FARS2: variants seen among roughly 807,000 people sequenced by gnomAD.
FARS2 encodes the protein phenylalanine--tRNA ligase, mitochondrial.
FARS2 carries 40 observed loss-of-function variants against 46.4 expected under a neutral mutation model. The ratio of observed to expected loss-of-function variants is 0.86; its 90% CI spans 0.67 to 1.12. The LOEUF (loss-of-function observed/expected upper bound fraction) is 1.12, where lower values mean the gene tolerates loss of function less well. FARS2 is among the 50% of genes most tolerant of loss of function. The probability of loss-of-function intolerance (pLI) is 0.00; values close to 1 mark genes in which losing one functional copy is unlikely to be tolerated. For synonymous variants in FARS2, 234 were observed against 214.9 expected, an observed-to-expected ratio of 1.09 and a Z score of -0.78; for missense variants, 513 against 567.9, an observed-to-expected ratio of 0.90 and a Z score of 0.98.
chr6:5,298,315 C>T (rs79811216), intron 1 of FARS2, among the ~76,000 whole-genome samples: 3,456 of 152,214 alleles, frequency 0.023, 141 homozygotes, highest in African/African-American at 0.078. Context: ...CCTGCCTCAT[C>T]GGGGTTGCAT....
At chr6:5,507,398 AT>A in intron 4 of FARS2, among the ~76,000 whole-genome samples, 1 of 149,202 alleles carries the variant, frequency 6.7e-6, no homozygotes, top group Non-Finnish European at 1.5e-5. Context: ...AAAAAAAAAA[AT>A]CTGATGTTTA....
At chr6:5,485,315 T>C (rs186618919) in intron 4 of FARS2, among the ~76,000 whole-genome samples, 11 of 152,264 alleles carry the variant, frequency 7.2e-5, no homozygotes, top group African/African-American at 2.6e-4. Context: ...AGTTTGTAAA[T>C]GTTAAGTGTT....
chr6:5,532,789 G>T (rs9766673), intron 4 of FARS2, among the ~76,000 whole-genome samples: 14,147 of 145,526 alleles, frequency 0.097, 661 homozygotes, highest in Non-Finnish European at 0.1. Context: ...ATAATAAGAA[G>T]AAGAAGAAGA....
At chr6:5,484,357 C>T (rs1273935472) in intron 4 of FARS2, among the ~76,000 whole-genome samples, 2 of 152,096 alleles carry the variant, frequency 1.3e-5, no homozygotes, top group African/African-American at 4.8e-5. Flanking sequence ...TAATCAGAAT[C>T]GTGTGAATAT....
chr6:5,635,594 T>G (rs1340775151), intron 6 of FARS2, among the ~76,000 whole-genome samples: 1 of 152,126 alleles, frequency 6.6e-6, no homozygotes, highest in Non-Finnish European at 1.5e-5. Flanking sequence ...ACACATGTGC[T>G]GGTGGGGAAG....
At chr6:5,297,326 C>T (rs981652680) in intron 1 of FARS2, among the ~76,000 whole-genome samples, 2 of 152,160 alleles carry the variant, frequency 1.3e-5, no homozygotes, top group African/African-American at 2.4e-5. Flanking sequence ...GTAGAGTTCG[C>T]TCTTTTTAAA....
At chr6:5,571,438 C>T (rs887055075) in intron 5 of FARS2, among the ~76,000 whole-genome samples, 17 of 152,196 alleles carry the variant, frequency 1.1e-4, no homozygotes, top group Admixed American at 6.5e-5. Context: ...CACCAACGCA[C>T]GTGGAGAATC....
At chr6:5,265,426 A>G (rs796230844) in intron 1 of FARS2, among the ~76,000 whole-genome samples, 1 of 152,206 alleles carries the variant, frequency 6.6e-6, no homozygotes, top group East Asian at 1.9e-4. Context: ...TCTGGAATAA[A>G]TCATTTCTTC....
chr6:5,694,579 A>G lies in FARS2; in HGVS notation c.1218-76712A>G, dbSNP rs185688538. ...ATTTAGCCATGATAAATAGAATCAG[A>G]TAAGAGACCGAGTGTGAATATTCAG... is the stretch of plus-strand genomic sequence containing the variant. On this transcript the variant is annotated intron_variant, in intron 6 of 6. Transcript: ENST00000274680. 7.7e-4 allele frequency among the ~76,000 whole-genome samples: 117 copies of G among 152,294 alleles called. 1 individual carries two copies. Among genetic ancestry groups the G allele is most frequent in the African/African-American group, 2.5e-3 (103 of 41,574 alleles).
intron 6 of FARS2, among the ~76,000 whole-genome samples, chr6:5,673,540 A>G (rs574868935): frequency 2.8e-4 from 43 of 152,270 alleles, no homozygotes; most frequent in African/African-American, 8.4e-4. Context: ...AGGAAATTCT[A>G]TGTTCCCCGT....
At chr6:5,614,448 C>T (rs1406565717) in intron 6 of FARS2, among the ~76,000 whole-genome samples, 1 of 147,058 alleles carries the variant, frequency 6.8e-6, no homozygotes, top group African/African-American at 2.6e-5. Context: ...CTCGCTCTGT[C>T]GCCCAGGCTG....
intron 2 of FARS2, among the ~76,000 whole-genome samples, chr6:5,401,177 G>T (rs73718096): frequency 6.6e-6 from 1 of 151,730 alleles, no homozygotes; most frequent in African/African-American, 2.4e-5. Context: ...TGATATATTC[G>T]ATCTGAACTT....
intron 4 of FARS2, among the ~76,000 whole-genome samples, chr6:5,481,816 C>CG (rs398109792): frequency 6.6e-6 from 1 of 151,938 alleles, no homozygotes; most frequent in African/African-American, 2.4e-5. Context: ...AAAGACCCCC[C>CG]TTGCTTCCAG....
intron 5 of FARS2, among the ~76,000 whole-genome samples, chr6:5,598,559 A>G (rs1774333004): frequency 6.6e-6 from 1 of 152,214 alleles, no homozygotes; most frequent in Admixed American, 6.5e-5. Flanking sequence ...CAGCATAACC[A>G]CTTTCCCTGG....
At chr6:5,260,602 C>CCGGCCCCG, upstream of FARS2, 32 of 1,203,586 alleles carry the variant, frequency 2.7e-5, no homozygotes, top group Non-Finnish European at 3.6e-5. Context: ...CCCCGGTCCC[C>CCGGCCCCG]GGCCCCTGGC....
At chr6:5,523,920 C>T (rs1476617746) in intron 4 of FARS2, among the ~76,000 whole-genome samples, 1 of 152,148 alleles carries the variant, frequency 6.6e-6, no homozygotes, top group Non-Finnish European at 1.5e-5. Flanking sequence ...TGTTTCTTTT[C>T]CCTAGGAGTG....
chr6:5,375,291 A>T (rs527295001), intron 2 of FARS2, among the ~76,000 whole-genome samples: 3 of 152,206 alleles, frequency 2.0e-5, no homozygotes, highest in African/African-American at 7.2e-5. Context: ...ATTACCAAAT[A>T]TAATAACACA....
intron 5 of FARS2, among the ~76,000 whole-genome samples, chr6:5,587,901 A>C (rs1442361768): frequency 2.0e-5 from 3 of 152,166 alleles, no homozygotes; most frequent in Non-Finnish European, 4.4e-5. Flanking sequence ...AAATAAGGTA[A>C]TATATCTTTT....
At chr6:5,389,259 T>C (rs1448366722) in intron 2 of FARS2, among the ~76,000 whole-genome samples, 22 of 152,226 alleles carry the variant, frequency 1.4e-4, no homozygotes, top group Admixed American at 1.4e-3. Context: ...AGTTGACCAC[T>C]GTGTTAGGCG....
Sources: gnomAD v4.1 joint callset for allele counts (sites outside exome capture counted in the v4.1 genomes callset) on GRCh38, gnomAD v4.1.1 for gene constraint, MANE v1.5 for transcripts, NCBI Gene and HGNC (gene_info 2026-07-23, HGNC 2026-07-21) for gene names.